Variants in PPP2R1B observed in about 807,000 individuals in gnomAD.
The protein encoded by PPP2R1B is protein phosphatase 2 scaffold subunit Abeta.
In PPP2R1B, 58 loss-of-function variants were observed where a neutral mutation model predicts 72.7. That is an observed-to-expected ratio of 0.80 (90% confidence interval 0.65 to 0.99). PPP2R1B has a LOEUF of 0.99. Ranked by LOEUF, PPP2R1B falls within the 50% of genes least tolerant of loss-of-function variation. The pLI is 0.00. For synonymous variants in PPP2R1B, 256 were observed against 264.6 expected (o/e 0.97, Z 0.32); for missense variants, 695 against 733.6 (o/e 0.95, Z 0.61).
At chr11:111,719,754 C>A in the PPP2R1B span, 1 of 1,603,450 alleles carries the variant, frequency 6.2e-7, no homozygotes, top group South Asian at 1.1e-5. Flanking sequence ...AACTGAGTTT[C>A]CTCTCTCCCC....
the PPP2R1B span, among the ~76,000 whole-genome samples, chr11:111,713,654 G>C: frequency 6.6e-6 from 1 of 152,150 alleles, no homozygotes; most frequent in Non-Finnish European, 1.5e-5. Flanking sequence ...GACAGCGCCA[G>C]GTGCTGAATA....
At chr11:111,737,616 A>G, downstream of PPP2R1B, 1 of 1,611,882 alleles carries the variant, frequency 6.2e-7, no homozygotes, top group Non-Finnish European at 8.5e-7. Context: ...ACCAGGGCAC[A>G]TCCCTCCCAA....
intron 11 of PPP2R1B, among the ~76,000 whole-genome samples, chr11:111,747,328 G>A (rs1944738047): frequency 6.6e-6 from 1 of 152,194 alleles, no homozygotes; most frequent in Non-Finnish European, 1.5e-5. Flanking sequence ...AGCCTCACCA[G>A]GAAGTCACTT....
Position 111,740,505 on chromosome 11 carries a change from A to G in PPP2R1B, c.*1091T>C, listed in dbSNP as rs1050635214. 52 of 985,188 alleles carry G rather than the reference A, an allele frequency of 5.3e-5. No individual in the cohort carries two copies. Among genetic ancestry groups the G allele is most frequent in the African/African-American group, 3.5e-4 (20 of 57,228 alleles). The allele number at this position is 985,188 out of a possible 1,614,324, so 61.0% of individuals were successfully genotyped here. ...AAAAGGGCTTTAATACTGTTTAAGT[A>G]GTTCAAATAGGCTTCCTCACTATTA... On this transcript the variant is annotated 3_prime_UTR_variant, in exon 15 of 15. Transcript: ENST00000527614.
Position 111,755,021 on chromosome 11 carries a change from CAGTCTTTA to C in PPP2R1B, c.909_916del (p.Lys304Ter). On this transcript the variant is annotated frameshift_variant, in exon 7 of 15. Coordinates refer to ENST00000527614, the MANE Select transcript of PPP2R1B (RefSeq NM_002716.5). LOFTEE classifies it high-confidence loss of function. ...AGCAGCTGCCCGGACTTCAGCTTCA[CAGTCTTTA>C]AGTAGGTTCTGAAAGGCGGGGATGA... 2 of 1,614,084 alleles carry C rather than the reference CAGTCTTTA, an allele frequency of 1.2e-6. No individual in the cohort carries two copies. The highest frequency in any genetic ancestry group is 8.5e-7 in the Non-Finnish European group (1 of 1,179,966).
downstream of PPP2R1B, chr11:111,722,820 G>A (rs1943842806): frequency 1.4e-6 from 2 of 1,474,884 alleles, no homozygotes; most frequent in South Asian, 1.2e-5. The surrounding 1 kb of genome is among the most constrained non-coding windows in gnomAD (Gnocchi z 4.4). Flanking sequence ...AACACTGAAT[G>A]TGTTGTCCTT....
chr11:111,753,822 T>C (rs1347573367), intron 8 of PPP2R1B, among the ~76,000 whole-genome samples: 1 of 152,070 alleles, frequency 6.6e-6, no homozygotes, highest in Non-Finnish European at 1.5e-5. Flanking sequence ...TCTTACTACA[T>C]TGCCAGGGCT....
In PPP2R1B at chr11:111,760,961, G is replaced by C. The variant is rs138745640; in HGVS notation, c.397C>G (p.Pro133Ala). 2.5e-6 allele frequency: 4 copies of C among 1,614,100 alleles called. No homozygotes were observed. The highest frequency in any genetic ancestry group is 1.1e-5 in the South Asian group (1 of 91,090). ...SLRQISQEHT[P>A]VALEAYFVPL... ...ACAAAATAAGCTTCCAGAGCAACAG[G>C]AGTATGCTCCTGGGAGATCTGTCTC... Residue 133 changes from proline (P) to alanine (A), a missense_variant, in exon 4 of 15, where the codon CCT (proline) becomes GCT (alanine). Physicochemically the swap from Pro to Ala is conservative, Grantham distance 27. Transcript: ENST00000527614.
At chr11:111,733,605 G>A (rs1944258154), downstream of PPP2R1B, among the ~76,000 whole-genome samples, 1 of 152,114 alleles carries the variant, frequency 6.6e-6, no homozygotes, top group Non-Finnish European at 1.5e-5. Context: ...TGTCACCCCA[G>A]GGCCACCCAC....
chr11:111,753,305 A>G, intron 9 of PPP2R1B, 138 bp downstream of exon 9: 1 of 1,180,784 alleles, frequency 8.5e-7, no homozygotes. Flanking sequence ...CCAAAATCAC[A>G]GGTGTCATTG....
At chr11:111,691,268 A>G in the PPP2R1B span, among the ~76,000 whole-genome samples, 402 of 152,330 alleles carry the variant, frequency 2.6e-3, 2 homozygotes, top group African/African-American at 9.3e-3. Flanking sequence ...TAGAAGTCAG[A>G]TAAAAATTCA....
the PPP2R1B span, among the ~76,000 whole-genome samples, chr11:111,689,635 A>C: frequency 6.6e-6 from 1 of 152,178 alleles, no homozygotes; most frequent in Non-Finnish European, 1.5e-5. Context: ...CTGACCAAGA[A>C]ATTATTAATT....
chr11:111,739,802 T>C lies in PPP2R1B; in HGVS notation c.*1794A>G, dbSNP rs1944459344. On this transcript the variant is annotated 3_prime_UTR_variant, in exon 15 of 15. Transcript: ENST00000527614. ...TAAAATTAAAATGTTTACAGAATAA[T>C]AGCATAAGATATTAAAATGAGAATA... 4.0e-5 allele frequency: 39 copies of C among 967,854 alleles called. No homozygotes were observed. Among genetic ancestry groups the C allele is most frequent in the Non-Finnish European group, 4.8e-5 (39 of 813,982 alleles). 60.0% of individuals were successfully genotyped at this position (967,854 alleles called of 1,614,324 possible).
chr11:111,701,436 T>C, the PPP2R1B span: 1 of 1,608,564 alleles, frequency 6.2e-7, no homozygotes, highest in Non-Finnish European at 8.5e-7. The surrounding 1 kb of genome is among the most constrained non-coding windows in gnomAD (Gnocchi z 4.2). Flanking sequence ...AGTCTCTGCA[T>C]TGTTTTCTTC....
the PPP2R1B span, among the ~76,000 whole-genome samples, chr11:111,694,368 T>C: frequency 2.0e-5 from 3 of 152,332 alleles, no homozygotes; most frequent in East Asian, 5.8e-4. Flanking sequence ...ATGTAATTAG[T>C]ATTGTATAAT....
chr11:111,693,517 G>GT, the PPP2R1B span, among the ~76,000 whole-genome samples: 1 of 152,142 alleles, frequency 6.6e-6, no homozygotes, highest in African/African-American at 2.4e-5. Flanking sequence ...ATTTCCACCT[G>GT]TTTTGGCCCT....
Position 111,743,469 on chromosome 11 carries a change from T to C in PPP2R1B, c.1461A>G (p.Thr487=). The change falls in exon 12 of 15, where the codon ACA becomes ACG. Residue 487 remains threonine, a synonymous_variant. Transcript: ENST00000527614. ...NLMKLVQKFG[T]EWAQNTIVPK... ...GAACAATAGTATTTTGGGCCCACTC[T>C]GTACCAAACTTCTGAACTAGTTTCA... is the stretch of plus-strand genomic sequence containing the variant. The C allele has an allele frequency of 6.2e-7, 1 of 1,614,120 alleles. No individual in the cohort carries two copies. The highest frequency in any genetic ancestry group is 1.3e-5 in the African/African-American group (1 of 75,058).
At chr11:111,748,188 C>T (rs782198543) in intron 10 of PPP2R1B, among the ~76,000 whole-genome samples, 174 bp from the exon 11 acceptor site, 4 of 146,180 alleles carry the variant, frequency 2.7e-5, no homozygotes, top group Non-Finnish European at 1.5e-5. Flanking sequence ...ATTTATTGGA[C>T]GGAAATCATA....
chr11:111,743,639 A>T, intron 11 of PPP2R1B, 109 bp from the exon 12 acceptor site: 1 of 1,282,286 alleles, frequency 7.8e-7, no homozygotes, highest in Non-Finnish European at 1.1e-6. Context: ...ACCCCTCTGC[A>T]ATCAGACTCC....
Sources: allele counts gnomAD v4.1 joint callset (sites outside exome capture counted in the v4.1 genomes callset), GRCh38; gene constraint gnomAD v4.1.1; non-coding constraint Gnocchi (gnomAD v3.1); transcripts MANE v1.5; gene names NCBI Gene and HGNC (gene_info 2026-07-23, HGNC 2026-07-21).